Variants in GRID1 observed in about 807,000 individuals in gnomAD.
GRID1 encodes the protein glutamate receptor ionotropic, delta-1.
Under a neutral mutation model 98.0 loss-of-function variants are expected in GRID1, and 28 were observed. That is an observed-to-expected ratio of 0.29 (90% confidence interval 0.21 to 0.39). The LOEUF (loss-of-function observed/expected upper bound fraction) is 0.39, where lower values mean the gene tolerates loss of function less well. Among genes scored for constraint, GRID1 ranks in the 10% least tolerant of loss-of-function variants. The pLI, the probability that GRID1 is intolerant of heterozygous loss-of-function variation, is 1.00. For synonymous variants in GRID1, 553 were observed against 538.5 expected (o/e 1.03, Z -0.37); for missense variants, 1,111 against 1,340.5 (o/e 0.83, Z 2.67).
intron 5 of GRID1, among the ~76,000 whole-genome samples, chr10:85,878,056 G>C (rs1840927068): frequency 6.6e-6 from 1 of 152,196 alleles, no homozygotes; most frequent in Non-Finnish European, 1.5e-5. Context: ...GAAGCGAGAA[G>C]AGGAGTTTAG....
At chr10:85,770,078 A>T (rs1842241879) in intron 8 of GRID1, among the ~76,000 whole-genome samples, 1 of 152,162 alleles carries the variant, frequency 6.6e-6, no homozygotes, top group African/African-American at 2.4e-5. Context: ...GGCACCCCCC[A>T]GTAGGGGCAG....
chr10:86,067,105 C>T (rs1055614982), intron 4 of GRID1, among the ~76,000 whole-genome samples: 16 of 152,214 alleles, frequency 1.1e-4, no homozygotes, highest in Non-Finnish European at 1.6e-4. Context: ...AGGATGCCTT[C>T]GCCATCTAAT....
At chr10:86,055,104 A>G (rs753394428) in intron 4 of GRID1, among the ~76,000 whole-genome samples, 1 of 152,222 alleles carries the variant, frequency 6.6e-6, no homozygotes, top group African/African-American at 2.4e-5. Flanking sequence ...GACCACAGAC[A>G]TCAGTGACCT....
chr10:86,050,294 T>C (rs1843483505), intron 4 of GRID1, among the ~76,000 whole-genome samples: 1 of 152,244 alleles, frequency 6.6e-6, no homozygotes, highest in South Asian at 2.1e-4. Context: ...TCAAAAGTAT[T>C]TGTAAGAAGT....
At chr10:86,124,762 G>A (rs1018011946) in intron 4 of GRID1, among the ~76,000 whole-genome samples, 3 of 152,246 alleles carry the variant, frequency 2.0e-5, no homozygotes, top group East Asian at 3.9e-4. Context: ...AATTAATATC[G>A]AATCCATTTC....
intron 4 of GRID1, among the ~76,000 whole-genome samples, chr10:85,979,284 A>G (rs1442350220): frequency 2.6e-5 from 4 of 152,148 alleles, no homozygotes; most frequent in Admixed American, 2.6e-4. Flanking sequence ...AGTGGGACCC[A>G]AGAGTGGTGA....
chr10:85,822,438 T>C (rs1184712115), intron 8 of GRID1, among the ~76,000 whole-genome samples: 5 of 151,974 alleles, frequency 3.3e-5, no homozygotes, highest in East Asian at 1.9e-4. Flanking sequence ...CATGAAAAAA[T>C]GCTCATCATC....
intron 7 of GRID1, 59 bp downstream of exon 7, chr10:85,855,970 G>A (rs1843105979): frequency 1.3e-6 from 2 of 1,502,120 alleles, no homozygotes; most frequent in Non-Finnish European, 1.8e-6. Flanking sequence ...GGGGAACACA[G>A]TGGAGGTATA....
intron 2 of GRID1, among the ~76,000 whole-genome samples, chr10:86,307,376 C>T (rs1847772713): frequency 6.6e-6 from 1 of 152,138 alleles, no homozygotes; most frequent in Non-Finnish European, 1.5e-5. Flanking sequence ...AGAATTAAAT[C>T]CTGCCATTTG....
At position 85,833,659 on chromosome 10, in the gene GRID1, T is replaced by A. The variant is rs186604240; in HGVS notation, c.1233+20837A>T. ...TGATCAACTGATGCTAAGACCAGGA[T>A]GGATCAGATGTTTTAATTATCTGAC... On this transcript the variant is annotated intron_variant, in intron 8 of 15. Coordinates refer to ENST00000327946, the MANE Select transcript of GRID1 (RefSeq NM_017551.3). 1.9e-4 allele frequency among the ~76,000 whole-genome samples: 29 copies of A among 152,214 alleles called. No individual in the cohort carries two copies. The East Asian group carries it at 2.5e-3, about 13-fold the overall frequency.
chr10:86,072,254 A>C (rs1843815180), intron 4 of GRID1, among the ~76,000 whole-genome samples: 1 of 152,242 alleles, frequency 6.6e-6, no homozygotes, highest in Non-Finnish European at 1.5e-5. Context: ...CTCCAAAAAA[A>C]AATCTATCAT....
chr10:85,836,770 G>T (rs1460345472), intron 8 of GRID1, among the ~76,000 whole-genome samples: 1 of 152,012 alleles, frequency 6.6e-6, no homozygotes, highest in East Asian at 1.9e-4. Flanking sequence ...CATCAAACAG[G>T]ACTGGTCCAA....
chr10:85,949,406 T>A (rs1842090963), intron 4 of GRID1, among the ~76,000 whole-genome samples: 1 of 152,204 alleles, frequency 6.6e-6, no homozygotes, highest in Non-Finnish European at 1.5e-5. Context: ...AATTTGCTTC[T>A]TTTTGTCATA....
At chr10:85,866,448 T>G (rs572812035) in intron 6 of GRID1, among the ~76,000 whole-genome samples, 1 of 150,622 alleles carries the variant, frequency 6.6e-6, no homozygotes, top group African/African-American at 2.5e-5. Flanking sequence ...ATTTGGGATT[T>G]TTTTTTTTCA....
At chr10:85,680,334 T>C (rs536920356) in intron 12 of GRID1, among the ~76,000 whole-genome samples, 4 of 152,238 alleles carry the variant, frequency 2.6e-5, no homozygotes, top group Non-Finnish European at 4.4e-5. Flanking sequence ...ACTCCTTCCC[T>C]AGCCCAGGAG....
intron 15 of GRID1, among the ~76,000 whole-genome samples, chr10:85,604,884 T>A (rs1442055282): frequency 6.6e-6 from 1 of 152,208 alleles, no homozygotes; most frequent in Non-Finnish European, 1.5e-5. Context: ...GTCTATGGTT[T>A]ATTGCTTTTA....
chr10:86,175,548 C>A (rs191404868), intron 3 of GRID1, among the ~76,000 whole-genome samples: 227 of 152,274 alleles, frequency 1.5e-3, no homozygotes, highest in African/African-American at 5.1e-3. Flanking sequence ...CTGCCCACTG[C>A]CCCACTGCAA....
intron 4 of GRID1, among the ~76,000 whole-genome samples, chr10:86,062,724 C>T (rs1244485193): frequency 3.9e-5 from 6 of 152,248 alleles, no homozygotes. Context: ...CTCACCTACC[C>T]TTCCAGACCG....
chr10:86,099,583 A>G lies in GRID1; in HGVS notation c.726+39236T>C, dbSNP rs564798213. 3.9e-5 allele frequency among the ~76,000 whole-genome samples: 6 copies of G among 152,284 alleles called. No individual in the cohort carries two copies. In the East Asian group the frequency reaches 1.2e-3, roughly 29 times the overall value. On this transcript the variant is annotated intron_variant, in intron 4 of 15. Coordinates refer to ENST00000327946, the MANE Select transcript of GRID1 (RefSeq NM_017551.3). ...ATTGGAGCACAGTCTGGCTCCTCCA[A>G]CCCAATGTCATCCATAAAGGGTCAC...
Sources: allele counts gnomAD v4.1 joint callset (sites outside exome capture counted in the v4.1 genomes callset), GRCh38; gene constraint gnomAD v4.1.1; transcripts MANE v1.5; gene names NCBI Gene and HGNC (gene_info 2026-07-23, HGNC 2026-07-21).